Variants in B3GAT2 observed in about 807,000 individuals in gnomAD.
B3GAT2 encodes the protein beta-1,3-glucuronyltransferase 2.
In B3GAT2, 26 loss-of-function variants were observed where a neutral mutation model predicts 27.8. That is an observed-to-expected ratio of 0.93 (90% confidence interval 0.68 to 1.30). The LOEUF (loss-of-function observed/expected upper bound fraction) is 1.30. Among genes scored for constraint, B3GAT2 ranks in the 50% most tolerant of loss-of-function variants. B3GAT2 has a pLI of 0.00. For missense variants in B3GAT2, 458 were observed against 459.0 expected, an observed-to-expected ratio of 1.00 and a Z score of 0.02; for synonymous variants, 218 against 195.1, an observed-to-expected ratio of 1.12 and a Z score of -0.98.
chr6:70,871,819 T>C (rs1349320940), intron 2 of B3GAT2, among the ~76,000 whole-genome samples: 1 of 151,982 alleles, frequency 6.6e-6, no homozygotes, highest in African/African-American at 2.4e-5. Flanking sequence ...TTCTTCTTTT[T>C]AATGGAGGTA....
At chr6:70,934,269 G>A (rs1773105064) in intron 1 of B3GAT2, among the ~76,000 whole-genome samples, 1 of 152,120 alleles carries the variant, frequency 6.6e-6, no homozygotes, top group South Asian at 2.1e-4. Flanking sequence ...CCAGACCCTT[G>A]GCATCCCTAC....
chr6:70,953,658 G>A (rs955049128), intron 1 of B3GAT2, among the ~76,000 whole-genome samples: 1 of 152,102 alleles, frequency 6.6e-6, no homozygotes, highest in Non-Finnish European at 1.5e-5. Flanking sequence ...TAAACCTGTT[G>A]TATTTTTTGT....
chr6:70,955,276 C>A (rs1233338718), intron 1 of B3GAT2, among the ~76,000 whole-genome samples: 2 of 151,876 alleles, frequency 1.3e-5, no homozygotes, highest in African/African-American at 4.8e-5. Context: ...CTTCTAACAA[C>A]CATTTCCGTG....
chr6:70,878,177 A>G (rs1772044741), intron 2 of B3GAT2, among the ~76,000 whole-genome samples: 1 of 152,228 alleles, frequency 6.6e-6, no homozygotes, highest in Non-Finnish European at 1.5e-5. Flanking sequence ...ATATATAATT[A>G]TTAGATCAAG....
chr6:70,876,611 A>C (rs1231071936), intron 2 of B3GAT2, among the ~76,000 whole-genome samples: 2 of 152,248 alleles, frequency 1.3e-5, no homozygotes, highest in Non-Finnish European at 2.9e-5. Context: ...CATAGTAAGC[A>C]TTCTTTGTTA....
chr6:70,871,633 C>A (rs1771940208), intron 2 of B3GAT2, among the ~76,000 whole-genome samples: 1 of 151,782 alleles, frequency 6.6e-6, no homozygotes, highest in Non-Finnish European at 1.5e-5. Flanking sequence ...TCTTGACAGT[C>A]TAAGTAAAGG....
chr6:70,898,234 T>G (rs975425703), intron 1 of B3GAT2, among the ~76,000 whole-genome samples: 22 of 152,302 alleles, frequency 1.4e-4, no homozygotes, highest in Admixed American at 1.1e-3. Flanking sequence ...ACATGATCTC[T>G]CTACATTTAT....
In B3GAT2 at chr6:70,860,737, A is replaced by G. The variant is rs1276611612; in HGVS notation, c.*926T>C. 1.0e-5 allele frequency: 4 copies of G among 401,090 alleles called. No individual in the cohort carries two copies. The highest frequency in any genetic ancestry group is 4.3e-5 in the Admixed American group (1 of 23,288). The allele number at this position is 401,090 out of a possible 1,614,324, so 24.8% of individuals were successfully genotyped here. On this transcript the variant is annotated 3_prime_UTR_variant, in exon 4 of 4. Coordinates refer to ENST00000230053, the MANE Select transcript of B3GAT2 (RefSeq NM_080742.3). ...CAGTAATCCTGTAGGAAGGTACTGT[A>G]TGATCAAATGTTTAATCATATAAAT...
At chr6:70,916,544 ACT>A (rs1224904513) in intron 1 of B3GAT2, among the ~76,000 whole-genome samples, 2 of 151,660 alleles carry the variant, frequency 1.3e-5, no homozygotes, top group South Asian at 2.1e-4. Flanking sequence ...GTCATAAATA[ACT>A]CTTACTGTTT....
chr6:70,878,612 C>A lies in B3GAT2; in HGVS notation c.736+15516G>T, dbSNP rs146461467. On this transcript the variant is annotated intron_variant, in intron 2 of 3. Coordinates refer to ENST00000230053, the MANE Select transcript of B3GAT2 (RefSeq NM_080742.3). The stretch of plus-strand genomic sequence containing the variant: ...ATTTAGAGCAATTTAATTTTTTTCA[C>A]ACTTAGTGTGGTTATCATGTTTGGT... Among the ~76,000 whole-genome samples, 1,364 of 150,318 alleles carry A rather than the reference C, an allele frequency of 9.1e-3. 26 individuals are homozygous for A. The highest frequency in any genetic ancestry group is 0.031 in the African/African-American group (1,292 of 41,118).
chr6:70,895,123 A>G (rs1772357639), intron 1 of B3GAT2, among the ~76,000 whole-genome samples: 1 of 152,238 alleles, frequency 6.6e-6, no homozygotes, highest in South Asian at 2.1e-4. Context: ...GCTGGAGCCC[A>G]TAGCTTGGCA....
At chr6:70,883,453 C>G (rs1460835818) in intron 2 of B3GAT2, among the ~76,000 whole-genome samples, 1 of 127,558 alleles carries the variant, frequency 7.8e-6, no homozygotes, top group East Asian at 2.2e-4. Context: ...ATATTATGCT[C>G]AATAAGCAAA....
rs779726717 is a variant in B3GAT2, at chr6:70,955,917, G to A, written c.513C>T (p.His171=). The A allele has an allele frequency of 2.5e-6, 4 of 1,599,860 alleles. No homozygotes were observed. The highest frequency in any genetic ancestry group is 3.4e-6 in the Non-Finnish European group (4 of 1,174,622). ...NAGLAWLRQR[H]QHQRAQPGVL... ...CGCCGGGCTGCGCGCGCTGGTGCTG[G>A]TGCCTCTGGCGCAGCCAGGCGAGGC... Residue 171 remains histidine (H), a synonymous_variant, in exon 1 of 4, where the codon CAC becomes CAT. Coordinates refer to ENST00000230053, the MANE Select transcript of B3GAT2 (RefSeq NM_080742.3).
At chr6:70,879,103 C>T (rs2460699) in intron 2 of B3GAT2, among the ~76,000 whole-genome samples, 54,331 of 152,088 alleles carry the variant, frequency 0.36, 10,786 homozygotes, top group Admixed American at 0.45. Flanking sequence ...TTGCTTACTA[C>T]TTTATCTGGT....
At chr6:70,884,095 C>CAA (rs70990339) in intron 2 of B3GAT2, among the ~76,000 whole-genome samples, 13 of 100,662 alleles carry the variant, frequency 1.3e-4, no homozygotes, top group Non-Finnish European at 2.2e-4. Flanking sequence ...CCTCAAGACT[C>CAA]AAAAAAAAAA....
At position 70,858,290 on chromosome 6, in the gene B3GAT2, T is replaced by TAA; in HGVS notation, c.*3372_*3373insTT. 2.4e-6 allele frequency: 1 copy of TAA among 408,396 alleles called. No individual in the cohort carries two copies. Among genetic ancestry groups the TAA allele is most frequent in the Non-Finnish European group, 3.4e-6 (1 of 294,964 alleles). 25.3% of individuals were successfully genotyped at this position (408,396 alleles called of 1,614,324 possible). A position where few individuals can be genotyped will look rare whatever the true frequency, so the allele number is the denominator to read the frequency against. On this transcript the variant is annotated 3_prime_UTR_variant, in exon 4 of 4. Transcript: ENST00000230053. Reference sequence around the variant, plus strand: ...AAACCAGATTTATTTTCTAAATCTTTTTTTTTTTTTTTTTTTTTTTTTTTT... The same window carrying TAA: ...AAACCAGATTTATTTTCTAAATCTTTAATTTTTTTTTTTTTTTTTTTTTTTTT...
At chr6:70,885,723 C>A (rs188102513) in intron 2 of B3GAT2, among the ~76,000 whole-genome samples, 1 of 152,270 alleles carries the variant, frequency 6.6e-6, no homozygotes, top group East Asian at 1.9e-4. Flanking sequence ...TGTATGTATT[C>A]GTTTTACTTC....
At chr6:70,877,709 G>A (rs1296565484) in intron 2 of B3GAT2, among the ~76,000 whole-genome samples, 3 of 152,332 alleles carry the variant, frequency 2.0e-5, no homozygotes, top group Middle Eastern at 3.4e-3. Flanking sequence ...GCACCTGCCT[G>A]TAAGACTGTC....
At chr6:70,934,997 G>C (rs927955207) in intron 1 of B3GAT2, among the ~76,000 whole-genome samples, 1 of 152,152 alleles carries the variant, frequency 6.6e-6, no homozygotes, top group Admixed American at 6.6e-5. Context: ...GACAGAGGCT[G>C]ATAGCCACAG....
Sources: gnomAD v4.1 joint callset for allele counts (sites outside exome capture counted in the v4.1 genomes callset) on GRCh38, gnomAD v4.1.1 for gene constraint, MANE v1.5 for transcripts, NCBI Gene and HGNC (gene_info 2026-07-23, HGNC 2026-07-21) for gene names.